Variants in SNX33 observed in about 807,000 individuals in gnomAD.
SNX33 encodes sorting nexin-33.
In SNX33, 19 loss-of-function variants were observed where a neutral mutation model predicts 38.8. That is an observed-to-expected ratio of 0.49 (90% confidence interval 0.34 to 0.72). The LOEUF (loss-of-function observed/expected upper bound fraction) is 0.72, where lower values mean the gene tolerates loss of function less well. Among genes scored for constraint, SNX33 ranks in the 30% least tolerant of loss-of-function variants. The probability of loss-of-function intolerance (pLI) is 0.01; values close to 1 mark genes in which losing one functional copy is unlikely to be tolerated. For synonymous variants in SNX33, 246 were observed against 289.7 expected, an observed-to-expected ratio of 0.85 and a Z score of 1.53; for missense variants, 641 against 776.4, an observed-to-expected ratio of 0.83 and a Z score of 2.07.
rs575557352 is a variant in SNX33, at chr15:75,657,267, C to T, written c.*52C>T. The stretch of plus-strand genomic sequence containing the variant: ...CCCTGGGCCTGGTCACTGCAGTGTA[C>T]CCCACTTTCCCGACCTCCCTATACC... On this transcript the variant is annotated 3_prime_UTR_variant, in exon 2 of 2. Transcript: ENST00000308527. This position sits in a 1 kb window ranked among gnomAD's most constrained non-coding sequence, Gnocchi z 5.5. 1 of 1,602,860 alleles carries T rather than the reference C, an allele frequency of 6.2e-7. No individual in the cohort carries two copies. Among genetic ancestry groups the T allele is most frequent in the Non-Finnish European group, 8.5e-7 (1 of 1,173,402 alleles).
In SNX33 at chr15:75,656,978, G is replaced by T. The variant is rs1250072072; in HGVS notation, c.1488G>T (p.Val496=). The T allele has an allele frequency of 1.9e-6, 3 of 1,613,344 alleles. No homozygotes were observed. The highest frequency in any genetic ancestry group is 3.3e-5 in the Admixed American group (2 of 59,966). ...IHLQKGAFAK[V]KESQRMSDEG... ...CTATGCCAGGCGCCTTCGCCAAGGT[G>T]AAGGAGAGCCAACGCATGAGTGACG... Residue 496 remains valine, a synonymous_variant, in exon 2 of 2, where the codon GTG becomes GTT. Coordinates refer to ENST00000308527, the MANE Select transcript of SNX33 (RefSeq NM_153271.2).
At chr15:75,653,956 G>A (rs1448497188) in intron 1 of SNX33, among the ~76,000 whole-genome samples, 1 of 152,100 alleles carries the variant, frequency 6.6e-6, no homozygotes, top group Non-Finnish European at 1.5e-5. Context: ...AGCCAGGCAT[G>A]GTGGCAGGTG....
intron 1 of SNX33, among the ~76,000 whole-genome samples, chr15:75,655,868 C>T (rs987071788): frequency 5.9e-5 from 9 of 152,218 alleles, no homozygotes; most frequent in Non-Finnish European, 8.8e-5. Flanking sequence ...GGATTCTCTG[C>T]AGCCCTCGGC....
At chr15:75,654,497 G>A (rs1400770554) in intron 1 of SNX33, among the ~76,000 whole-genome samples, 1 of 152,238 alleles carries the variant, frequency 6.6e-6, no homozygotes, top group Non-Finnish European at 1.5e-5. Flanking sequence ...TGAGGTGGGA[G>A]CTTAGGGAAT....
rs751304006 is a variant in SNX33 at position 75,649,303 on chromosome 15, T to A, written c.201T>A (p.His67Gln). The A allele has an allele frequency of 1.2e-6, 2 of 1,606,118 alleles. No individual in the cohort carries two copies. Among genetic ancestry groups the A allele is most frequent in the South Asian group, 1.1e-5 (1 of 90,154 alleles). Residue 67 changes from histidine (H) to glutamine (Q), a missense_variant, in exon 1 of 2, where the codon CAT (histidine) becomes CAA (glutamine). Physicochemically the swap from His to Gln is conservative, Grantham distance 24. Transcript: ENST00000308527. This position sits in a 1 kb window ranked among gnomAD's most constrained non-coding sequence, Gnocchi z 6.6. ...EIVRSGISTN[H>Q]ADYSSSPAGS... ...TCCGTTCTGGCATCAGCACCAACCA[T>A]GCTGACTACTCCAGCAGCCCTGCAG...
rs1181136562 is a variant in SNX33, at chr15:75,662,279, TA to T, written c.*5066del. ...ACTTGTGTCCTGTCTTGTAGATACT[TA>T]ATTAAACGGTATTAATTTTGATTTT... On this transcript the variant is annotated 3_prime_UTR_variant, in exon 2 of 2. Coordinates refer to ENST00000308527, the MANE Select transcript of SNX33 (RefSeq NM_153271.2). 1 of 152,250 alleles carries T rather than the reference TA, an allele frequency of 6.6e-6. No individual in the cohort carries two copies. The highest frequency in any genetic ancestry group is 6.5e-5 in the Admixed American group (1 of 15,286). The allele number at this position is 152,250 out of a possible 1,614,324, so 9.4% of individuals were successfully genotyped here. A position where few individuals can be genotyped will look rare whatever the true frequency, so the allele number is the denominator to read the frequency against.
chr15:75,648,082 T>C lies in SNX33; in HGVS notation c.-1021T>C. On this transcript the variant is annotated 5_prime_UTR_variant, in exon 1 of 2. Coordinates refer to ENST00000308527, the MANE Select transcript of SNX33 (RefSeq NM_153271.2). This position sits in a 1 kb window ranked among gnomAD's most constrained non-coding sequence, Gnocchi z 4.4. ...GCCATCTGCTCGCCGGAGCTCACTC[T>C]CCAAACTCCAAACTGTTGAGTGTGT... The C allele has an allele frequency of 2.0e-6, 2 of 985,426 alleles. No individual in the cohort carries two copies. Among genetic ancestry groups the C allele is most frequent in the Non-Finnish European group, 2.4e-6 (2 of 829,946 alleles). 61.0% of individuals were successfully genotyped at this position (985,426 alleles called of 1,614,324 possible). A position where few individuals can be genotyped will look rare whatever the true frequency, so the allele number is the denominator to read the frequency against.
rs151237064 is a variant in SNX33 at position 75,648,666 on chromosome 15, GT to G, written c.-434del. ...AGAGGGACAGCCGAGCCCTGCCCGG[GT>G]TTCTGGAATGGTGGTTTCAGAGTGA... On this transcript the variant is annotated 5_prime_UTR_variant, in exon 1 of 2. Coordinates refer to ENST00000308527, the MANE Select transcript of SNX33 (RefSeq NM_153271.2). This position sits in a 1 kb window ranked among gnomAD's most constrained non-coding sequence, Gnocchi z 4.4. 71,895 of 407,294 alleles carry G rather than the reference GT, an allele frequency of 0.18. 7,746 individuals are homozygous for G. The highest frequency in any genetic ancestry group is 0.2 in the Non-Finnish European group (60,974 of 300,800). 25.2% of individuals were successfully genotyped at this position (407,294 alleles called of 1,614,324 possible). A position where few individuals can be genotyped will look rare whatever the true frequency, so the allele number is the denominator to read the frequency against.
Position 75,647,951 on chromosome 15 carries a change from G to C in SNX33, c.-1152G>C. 1 of 985,438 alleles carries C rather than the reference G, an allele frequency of 1.0e-6. No individual in the cohort carries two copies. The highest frequency in any genetic ancestry group is 1.2e-6 in the Non-Finnish European group (1 of 829,926). The allele number at this position is 985,438 out of a possible 1,614,324, so 61.0% of individuals were successfully genotyped here. On this transcript the variant is annotated 5_prime_UTR_variant, in exon 1 of 2. Coordinates refer to ENST00000308527, the MANE Select transcript of SNX33 (RefSeq NM_153271.2). Reference sequence around the variant, plus strand: ...GAGCTGCCTTCTCGCTGGCGGAGCGGAGGGTCTGCGAGCGCCGGGGAAGGC... The same window carrying C: ...GAGCTGCCTTCTCGCTGGCGGAGCGCAGGGTCTGCGAGCGCCGGGGAAGGC...
rs1348659234 is a variant in SNX33 at position 75,649,595 on chromosome 15, G to C, written c.493G>C (p.Glu165Gln). Reference protein sequence around the residue: ...HMAFRPKPPLERQDSLASAKR... With the variant: ...HMAFRPKPPLQRQDSLASAKR... ...GGCCTTCCGGCCCAAGCCACCACTG[G>C]AGCGGCAGGACAGCCTGGCATCTGC... Residue 165 changes from glutamate to glutamine, a missense_variant, in exon 1 of 2, where the codon GAG becomes CAG. Glu to Gln is a conservative substitution (Grantham distance 29, BLOSUM62 2). Transcript: ENST00000308527. The surrounding 1 kb of genome is among the most constrained non-coding windows in gnomAD (Gnocchi z 6.6). 1.2e-6 allele frequency: 2 copies of C among 1,613,810 alleles called. No homozygotes were observed. Among genetic ancestry groups the C allele is most frequent in the South Asian group, 1.1e-5 (1 of 91,044 alleles).
chr15:75,655,001 G>A (rs577091893), intron 1 of SNX33, among the ~76,000 whole-genome samples: 4 of 152,336 alleles, frequency 2.6e-5, no homozygotes, highest in African/African-American at 9.6e-5. Context: ...CTTTAGCTAG[G>A]TTCCTTCTGC....
Position 75,648,671 on chromosome 15 carries a change from T to C in SNX33, c.-432T>C, listed in dbSNP as rs1240187740. ...GACAGCCGAGCCCTGCCCGGGTTTC[T>C]GGAATGGTGGTTTCAGAGTGAGTCT... On this transcript the variant is annotated 5_prime_UTR_variant, in exon 1 of 2. Coordinates refer to ENST00000308527, the MANE Select transcript of SNX33 (RefSeq NM_153271.2). The surrounding 1 kb of genome is among the most constrained non-coding windows in gnomAD (Gnocchi z 4.4). 2 of 359,064 alleles carry C rather than the reference T, an allele frequency of 5.6e-6. No homozygotes were observed. Among genetic ancestry groups the C allele is most frequent in the South Asian group, 1.1e-4 (1 of 8,940 alleles). The allele number at this position is 359,064 out of a possible 1,614,324, so 22.2% of individuals were successfully genotyped here.
At position 75,649,379 on chromosome 15, in the gene SNX33, C is replaced by G; in HGVS notation, c.277C>G (p.Pro93Ala). 1.3e-6 allele frequency: 2 copies of G among 1,553,682 alleles called. No homozygotes were observed. The highest frequency in any genetic ancestry group is 2.3e-5 in the East Asian group (1 of 44,198). The change falls in exon 1 of 2, where the codon CCA (proline) becomes GCA (alanine). Residue 93 changes from proline (P) to alanine (A), a missense_variant. By Grantham distance (27) the Pro-to-Ala change is conservative. Around this residue, in one of 2 missense-constraint regions of SNX33, gnomAD observed 243 missense variants for 233.9 expected, o/e 1.04. Transcript: ENST00000308527. This position sits in a 1 kb window ranked among gnomAD's most constrained non-coding sequence, Gnocchi z 6.6. ...GTACAACAGCCCCAGTGTGGCCAGC[C>G]CAGCTAGGAGTGGTGGGGGCAGTGG... is the stretch of plus-strand genomic sequence containing the variant. ...SLYNSPSVAS[P>A]ARSGGGSGFL...
chr15:75,649,929 G>A lies in SNX33; in HGVS notation c.827G>A (p.Arg276His), dbSNP rs1435102212. The stretch of plus-strand genomic sequence containing the variant: ...AAACACTTTGACTGGCTCTATAACC[G>A]CCTGCTACACAAGTTCACTGTCATC... ...RYKHFDWLYN[R>H]LLHKFTVISV... The change falls in exon 1 of 2, where the codon CGC becomes CAC. Residue 276 changes from arginine (R) to histidine (H), a missense_variant. By Grantham distance (29) the Arg-to-His change is conservative. Around this residue, in one of 2 missense-constraint regions of SNX33, gnomAD observed 398 missense variants for 542.5 expected, o/e 0.73. Transcript: ENST00000308527. The surrounding 1 kb of genome is among the most constrained non-coding windows in gnomAD (Gnocchi z 6.6). 3.8e-6 allele frequency: 6 copies of A among 1,599,208 alleles called. No homozygotes were observed. Among genetic ancestry groups the A allele is most frequent in the South Asian group, 1.1e-5 (1 of 88,668 alleles).
chr15:75,658,010 T>G lies in SNX33; in HGVS notation c.*795T>G, dbSNP rs1396106797. 1 of 152,550 alleles carries G rather than the reference T, an allele frequency of 6.6e-6. No homozygotes were observed. The highest frequency in any genetic ancestry group is 1.5e-5 in the Non-Finnish European group (1 of 68,068). The allele number at this position is 152,550 out of a possible 1,614,324, so 9.4% of individuals were successfully genotyped here. A position where few individuals can be genotyped will look rare whatever the true frequency, so the allele number is the denominator to read the frequency against. On this transcript the variant is annotated 3_prime_UTR_variant, in exon 2 of 2. Coordinates refer to ENST00000308527, the MANE Select transcript of SNX33 (RefSeq NM_153271.2). The surrounding 1 kb of genome is among the most constrained non-coding windows in gnomAD (Gnocchi z 4.1). The stretch of plus-strand genomic sequence containing the variant: ...GCTGTCCGTACATCACCCTGTCCCC[T>G]GCAGGAGGGGGCTACAGGCCATCTC...
chr15:75,659,818 A>T lies in SNX33; in HGVS notation c.*2603A>T, dbSNP rs1339265774. The stretch of plus-strand genomic sequence containing the variant: ...ACTTGGATCCAGGAGAAGCATCAGG[A>T]AGTGGAGTCTTGGGATAATGCCAGG... On this transcript the variant is annotated 3_prime_UTR_variant, in exon 2 of 2. Transcript: ENST00000308527. 1 of 152,240 alleles carries T rather than the reference A, an allele frequency of 6.6e-6. No individual in the cohort carries two copies. The highest frequency in any genetic ancestry group is 2.4e-5 in the African/African-American group (1 of 41,392). The allele number at this position is 152,240 out of a possible 1,614,324, so 9.4% of individuals were successfully genotyped here. A position where few individuals can be genotyped will look rare whatever the true frequency, so the allele number is the denominator to read the frequency against.
At position 75,649,689 on chromosome 15, in the gene SNX33, C is replaced by A. The variant is rs1893551107; in HGVS notation, c.587C>A (p.Ala196Asp). 1 of 1,568,356 alleles carries A rather than the reference C, an allele frequency of 6.4e-7. No homozygotes were observed. Among genetic ancestry groups the A allele is most frequent in the Non-Finnish European group, 8.7e-7 (1 of 1,152,918 alleles). Residue 196 changes from alanine (A) to aspartate (D), a missense_variant, in exon 1 of 2, where the codon GCC becomes GAC. Physicochemically the swap from Ala to Asp is moderately radical, Grantham distance 126. Around this residue, in one of 2 missense-constraint regions of SNX33, gnomAD observed 398 missense variants for 542.5 expected, o/e 0.73. Transcript: ENST00000308527. The surrounding 1 kb of genome is among the most constrained non-coding windows in gnomAD (Gnocchi z 6.6). ...TGCTTTGTGCGTTCTGGAGTGGAGG[C>A]CTTCATCCTGGGTGATGTGCCCATG... ...FSCFVRSGVE[A>D]FILGDVPMMA...
At position 75,648,039 on chromosome 15, in the gene SNX33, G is replaced by T. The variant is rs1893518958; in HGVS notation, c.-1064G>T. The T allele has an allele frequency of 1.0e-6, 1 of 985,358 alleles. No homozygotes were observed. Among genetic ancestry groups the T allele is most frequent in the Non-Finnish European group, 1.2e-6 (1 of 829,960 alleles). 61.0% of individuals were successfully genotyped at this position (985,358 alleles called of 1,614,324 possible). On this transcript the variant is annotated 5_prime_UTR_variant, in exon 1 of 2. Coordinates refer to ENST00000308527, the MANE Select transcript of SNX33 (RefSeq NM_153271.2). This position sits in a 1 kb window ranked among gnomAD's most constrained non-coding sequence, Gnocchi z 4.4. ...CCGCAGGGCGGAGAGGAGGACGGAC[G>T]GACAGACGGCTGGCCGCGCCATCTG...
chr15:75,649,195 C>G lies in SNX33; in HGVS notation c.93C>G (p.Ser31Arg). 1.2e-6 allele frequency: 2 copies of G among 1,614,132 alleles called. No homozygotes were observed. The highest frequency in any genetic ancestry group is 1.7e-6 in the Non-Finnish European group (2 of 1,180,014). The change falls in exon 1 of 2, where the codon AGC becomes AGG. Residue 31 changes from serine to arginine, a missense_variant. By Grantham distance (110) the Ser-to-Arg change is moderately radical. This residue lies in a region of SNX33 where 243 missense variants were observed against 233.9 expected (regional missense o/e 1.04). Coordinates refer to ENST00000308527, the MANE Select transcript of SNX33 (RefSeq NM_153271.2). This position sits in a 1 kb window ranked among gnomAD's most constrained non-coding sequence, Gnocchi z 6.6. ...IQQDEDLVIF[S>R]ETSLDGWLQG... ...AGGATGAGGACCTGGTCATCTTTAGCGAGACCTCACTGGATGGCTGGCTGC... is the reference window on the plus strand; with the variant it reads ...AGGATGAGGACCTGGTCATCTTTAGGGAGACCTCACTGGATGGCTGGCTGC...
Sources: allele counts gnomAD v4.1 joint callset (sites outside exome capture counted in the v4.1 genomes callset), GRCh38; gene constraint gnomAD v4.1.1; regional missense constraint gnomAD v4.1.1; non-coding constraint Gnocchi (gnomAD v3.1); transcripts MANE v1.5; gene names NCBI Gene and HGNC (gene_info 2026-07-23, HGNC 2026-07-21).